The following KDM4B variants were observed in gnomAD, a reference collection of about 807,000 sequenced individuals.
KDM4B encodes the protein lysine-specific demethylase 4B.
A neutral mutation model predicts 125.2 loss-of-function variants in KDM4B; 32 were observed. The observed-to-expected ratio is 0.26, with a 90% confidence interval of 0.19 to 0.34. The LOEUF (loss-of-function observed/expected upper bound fraction) is 0.34. KDM4B is among the 10% of genes least tolerant of loss of function. The pLI is 1.00. For synonymous variants in KDM4B, 721 were observed against 677.9 expected (o/e 1.06, Z -0.99); for missense variants, 1,190 against 1,577.7 (o/e 0.75, Z 4.16).
intron 1 of KDM4B, among the ~76,000 whole-genome samples, chr19:5,000,936 A>T (rs1315567872): frequency 6.6e-6 from 1 of 152,066 alleles, no homozygotes; most frequent in African/African-American, 2.4e-5. Context: ...TCTCCTCCCC[A>T]TTCCTGCCCA....
intron 1 of KDM4B, among the ~76,000 whole-genome samples, chr19:4,994,020 G>GTTTTTTTTTTTTTTTTTTTTTGTTT (rs2035113946): frequency 1.5e-5 from 1 of 66,708 alleles, no homozygotes; most frequent in Non-Finnish European, 2.7e-5. Flanking sequence ...TTTTCAGCCT[G>GTTTTTTTTTTTTTTTTTTTTTGTTT]TTTTTTTTTT....
chr19:5,139,387 C>T (rs763483175), intron 18 of KDM4B, among the ~76,000 whole-genome samples: 6 of 152,206 alleles, frequency 3.9e-5, no homozygotes, highest in South Asian at 2.1e-4. Context: ...TGCGCCGCAG[C>T]GGATGTGGGA....
At chr19:5,087,202 G>A (rs564668255) in intron 9 of KDM4B, among the ~76,000 whole-genome samples, 1 of 152,282 alleles carries the variant, frequency 6.6e-6, no homozygotes, top group Non-Finnish European at 1.5e-5. Context: ...CAAGGAGGGG[G>A]TGGGATTTAT....
At chr19:5,137,129 T>C in intron 15 of KDM4B, 133 bp from the exon 16 acceptor site, 1 of 645,454 alleles carries the variant, frequency 1.5e-6, no homozygotes, top group Non-Finnish European at 2.8e-6. Flanking sequence ...ATGCTGCAGC[T>C]GCGTGCGGAG....
intron 2 of KDM4B, among the ~76,000 whole-genome samples, chr19:5,025,676 C>T (rs538386097): frequency 6.6e-6 from 1 of 152,350 alleles, no homozygotes; most frequent in East Asian, 1.9e-4. Flanking sequence ...TGCCATCCGG[C>T]CTCTGGGGCC....
chr19:5,128,752 G>T (rs962756528), intron 11 of KDM4B, among the ~76,000 whole-genome samples: 1 of 97,270 alleles, frequency 1.0e-5, no homozygotes, highest in African/African-American at 4.2e-5. Flanking sequence ...CTCTGGCATC[G>T]GCAGGGAAAA....
chr19:5,122,528 C>T (rs1003576995), intron 11 of KDM4B, among the ~76,000 whole-genome samples: 3 of 152,168 alleles, frequency 2.0e-5, no homozygotes, highest in Admixed American at 6.5e-5. Context: ...AAGTATATAA[C>T]CCAAGGCTAA....
Position 5,142,796 on chromosome 19 carries a change from T to C in KDM4B, c.2551-1171T>C, listed in dbSNP as rs572265982. Among the ~76,000 whole-genome samples the C allele has an allele frequency of 2.0e-5, 3 of 151,592 alleles. 1 individual carries two copies. The South Asian group carries it at 6.3e-4, about 32-fold the overall frequency. ...TTACAGTTTAATAACGAGATCTCGA[T>C]GCCGTCGATCGGCCCTGCTCCAGGC... On this transcript the variant is annotated intron_variant, in intron 18 of 22. Coordinates refer to ENST00000159111, the MANE Select transcript of KDM4B (RefSeq NM_015015.3). The surrounding 1 kb of genome is among the most constrained non-coding windows in gnomAD (Gnocchi z 5.4).
At chr19:5,097,539 C>T (rs995551059) in intron 9 of KDM4B, among the ~76,000 whole-genome samples, 4 of 152,214 alleles carry the variant, frequency 2.6e-5, no homozygotes, top group South Asian at 2.1e-4. Flanking sequence ...AGGCGTGAGC[C>T]GCCGCGCCTG....
rs142591171 is a variant in KDM4B, at chr19:5,032,911, C to G, written c.21C>G (p.Gly7=). Residue 7 remains glycine (G), a synonymous_variant, in exon 3 of 23, where the codon GGC becomes GGG. Transcript: ENST00000159111. The stretch of plus-strand genomic sequence containing the variant: ...CAGCCATGGGGTCTGAGGACCACGG[C>G]GCCCAGAACCCCAGCTGTAAAATCA... MGSEDH[G]AQNPSCKIMT... 1 of 1,614,046 alleles carries G rather than the reference C, an allele frequency of 6.2e-7. No individual in the cohort carries two copies. Among genetic ancestry groups the G allele is most frequent in the African/African-American group, 1.3e-5 (1 of 74,948 alleles).
chr19:5,022,402 A>G (rs1160010822), intron 2 of KDM4B, among the ~76,000 whole-genome samples: 1 of 152,096 alleles, frequency 6.6e-6, no homozygotes, highest in Non-Finnish European at 1.5e-5. Flanking sequence ...TGTGGCTCAC[A>G]TCTCGTGGCT....
intron 6 of KDM4B, among the ~76,000 whole-genome samples, chr19:5,067,372 G>A (rs764451687): frequency 9.9e-5 from 15 of 152,190 alleles, no homozygotes; most frequent in African/African-American, 3.1e-4. Context: ...ATCCCTGTGC[G>A]CTGGGCCGCA....
chr19:5,119,615 C>T (rs1345235684), intron 10 of KDM4B, 38 bp from the exon 11 acceptor site: 3 of 1,532,044 alleles, frequency 2.0e-6, no homozygotes, highest in East Asian at 2.4e-5. Context: ...TCTTCCCTCC[C>T]TGGTCTCCCC....
rs868205266 is a variant in KDM4B at position 5,150,555 on chromosome 19, C to T, written c.3114+105C>T. On this transcript the variant is annotated intron_variant, in intron 22 of 22. Transcript: ENST00000159111. Reference sequence around the variant, plus strand: ...TTCCAATGGCGTGGACCACCCCCTCCTCTTGCACCTCTGCTGGAAGGGGGT... The same window carrying T: ...TTCCAATGGCGTGGACCACCCCCTCTTCTTGCACCTCTGCTGGAAGGGGGT... 29 of 757,810 alleles carry T rather than the reference C, an allele frequency of 3.8e-5. No individual in the cohort carries two copies. In the Admixed American group the frequency reaches 6.8e-4, roughly 18 times the overall value. 46.9% of individuals were successfully genotyped at this position (757,810 alleles called of 1,614,324 possible). A position where few individuals can be genotyped will look rare whatever the true frequency, so the allele number is the denominator to read the frequency against.
intron 1 of KDM4B, among the ~76,000 whole-genome samples, chr19:4,993,411 G>C (rs1195004013): frequency 1.6e-5 from 2 of 121,852 alleles, no homozygotes; most frequent in African/African-American, 6.6e-5. Context: ...TCCATCTCAA[G>C]GGAAAAAAAA....
At position 5,036,993 on chromosome 19, in the gene KDM4B, C is replaced by T. The variant is rs541526873; in HGVS notation, c.142-2843C>T. On this transcript the variant is annotated intron_variant, in intron 3 of 22. Coordinates refer to ENST00000159111, the MANE Select transcript of KDM4B (RefSeq NM_015015.3). ...CCGTGGGGGTGTTTGGAGCTTCCTG[C>T]GTGGCTCCCAGATGTCTTTACTACA... is the stretch of plus-strand genomic sequence containing the variant. Among the ~76,000 whole-genome samples the T allele has an allele frequency of 1.8e-4, 28 of 152,346 alleles. No homozygotes were observed. In the South Asian group the frequency reaches 3.7e-3, roughly 20 times the overall value.
chr19:5,036,212 C>T (rs1240238568), intron 3 of KDM4B, among the ~76,000 whole-genome samples: 1 of 152,098 alleles, frequency 6.6e-6, no homozygotes, highest in African/African-American at 2.4e-5. Context: ...TGTGTGTGTG[C>T]GTGCATGTAT....
chr19:5,060,034 C>T (rs918481852), intron 6 of KDM4B, among the ~76,000 whole-genome samples: 10 of 152,210 alleles, frequency 6.6e-5, no homozygotes, highest in African/African-American at 2.4e-4. Flanking sequence ...CCTTCCAGGG[C>T]CTCAGAGCTG....
At chr19:5,145,669 G>A (rs1330258527) in intron 21 of KDM4B, among the ~76,000 whole-genome samples, 1 of 152,142 alleles carries the variant, frequency 6.6e-6, no homozygotes, top group African/African-American at 2.4e-5. Context: ...AGCTAGAAGC[G>A]TCGCTCCCAA....
Sources: gnomAD v4.1 joint callset for allele counts (sites outside exome capture counted in the v4.1 genomes callset) on GRCh38, gnomAD v4.1.1 for gene constraint, Gnocchi (gnomAD v3.1) non-coding constraint, MANE v1.5 for transcripts, NCBI Gene and HGNC (gene_info 2026-07-23, HGNC 2026-07-21) for gene names.